Variants in CNTNAP2 observed in about 807,000 individuals in gnomAD.
CNTNAP2 encodes contactin associated protein 2, also known as contactin-associated protein-like 2.
CNTNAP2 carries 98 observed loss-of-function variants against 155.2 expected under a neutral mutation model. The ratio of observed to expected loss-of-function variants is 0.63; its 90% CI spans 0.54 to 0.75. The LOEUF (loss-of-function observed/expected upper bound fraction) is 0.75, where lower values mean the gene tolerates loss of function less well. Among genes scored for constraint, CNTNAP2 ranks in the 30% least tolerant of loss-of-function variants. The pLI is 0.00. For missense variants in CNTNAP2, 1,727 were observed against 1,688.1 expected, an observed-to-expected ratio of 1.02 and a Z score of -0.40; for synonymous variants, 651 against 631.2, an observed-to-expected ratio of 1.03 and a Z score of -0.47.
chr7:146,680,427 G>A (rs1189920065), intron 1 of CNTNAP2, among the ~76,000 whole-genome samples: 2 of 152,122 alleles, frequency 1.3e-5, no homozygotes, highest in Non-Finnish European at 1.5e-5. Context: ...TGACTGGAGG[G>A]AGTGTTGTAT....
chr7:147,793,366 G>T (rs745921180), intron 13 of CNTNAP2, among the ~76,000 whole-genome samples: 30 of 152,150 alleles, frequency 2.0e-4, no homozygotes, highest in Middle Eastern at 3.4e-3. Context: ...TTTGTATATG[G>T]TGTGAGATAG....
At chr7:147,904,900 T>TACAC (rs58242194) in intron 14 of CNTNAP2, among the ~76,000 whole-genome samples, 25,610 of 149,064 alleles carry the variant, frequency 0.17, 2,339 homozygotes, top group Middle Eastern at 0.24. Context: ...AAGATGTATC[T>TACAC]ACACACACAC....
rs138328666 is a variant in CNTNAP2 at position 146,464,644 on chromosome 7, C to T, written c.98-309627C>T. Among the ~76,000 whole-genome samples the T allele has an allele frequency of 3.3e-5, 5 of 152,118 alleles. No individual in the cohort carries two copies. In the East Asian group the frequency reaches 9.7e-4, roughly 29 times the overall value. The stretch of plus-strand genomic sequence containing the variant: ...CCACAGCTAATATTTTCACTATTTG[C>T]GAACTTATCATCATTTTTAATACTG... On this transcript the variant is annotated intron_variant, in intron 1 of 23. Transcript: ENST00000361727.
At chr7:147,621,347 C>G (rs1281557154) in intron 12 of CNTNAP2, among the ~76,000 whole-genome samples, 1 of 150,432 alleles carries the variant, frequency 6.6e-6, no homozygotes, top group Non-Finnish European at 1.5e-5. Context: ...TATTATAACA[C>G]AGTAACTGAG....
At chr7:146,517,148 C>T (rs939223544) in intron 1 of CNTNAP2, among the ~76,000 whole-genome samples, 6 of 152,064 alleles carry the variant, frequency 3.9e-5, no homozygotes, top group African/African-American at 1.2e-4. Context: ...TCAGTGTATC[C>T]ACACTGTACA....
intron 12 of CNTNAP2, among the ~76,000 whole-genome samples, chr7:147,622,606 C>G (rs1423201363): frequency 6.6e-6 from 1 of 151,580 alleles, no homozygotes; most frequent in Non-Finnish European, 1.5e-5. Flanking sequence ...ACACAACATA[C>G]CAAAAAATCT....
At chr7:147,767,942 A>G (rs1797408903) in intron 13 of CNTNAP2, among the ~76,000 whole-genome samples, 1 of 152,148 alleles carries the variant, frequency 6.6e-6, no homozygotes, top group Non-Finnish European at 1.5e-5. Flanking sequence ...TGAACAGTCC[A>G]TAAACAGAAT....
intron 3 of CNTNAP2, among the ~76,000 whole-genome samples, chr7:146,907,711 G>A (rs1017194361): frequency 1.3e-5 from 2 of 149,884 alleles, no homozygotes; most frequent in African/African-American, 4.9e-5. Context: ...AAAATGTAAA[G>A]ACCATCGAGA....
chr7:146,705,978 G>C (rs1800958890), intron 1 of CNTNAP2, among the ~76,000 whole-genome samples: 1 of 152,186 alleles, frequency 6.6e-6, no homozygotes, highest in African/African-American at 2.4e-5. Context: ...AACCATAGCA[G>C]ACAGAGTTTC....
intron 1 of CNTNAP2, among the ~76,000 whole-genome samples, chr7:146,539,764 C>A (rs1014111732): frequency 1.3e-5 from 2 of 152,014 alleles, no homozygotes; most frequent in African/African-American, 4.8e-5. Context: ...CTAAAATTTC[C>A]TTTTATTATA....
At chr7:146,906,117 G>A (rs1373681368) in intron 3 of CNTNAP2, among the ~76,000 whole-genome samples, 5 of 152,240 alleles carry the variant, frequency 3.3e-5, no homozygotes, top group South Asian at 2.1e-4. Flanking sequence ...GGCGCACCAC[G>A]GGACTATATC....
chr7:146,639,485 G>T (rs1186725612), intron 1 of CNTNAP2, among the ~76,000 whole-genome samples: 1 of 125,520 alleles, frequency 8.0e-6, no homozygotes, highest in African/African-American at 3.6e-5. Flanking sequence ...TTATGGGGGA[G>T]GAAACCGTAC....
At chr7:148,340,291 A>G (rs1404422966) in intron 21 of CNTNAP2, among the ~76,000 whole-genome samples, 2 of 152,218 alleles carry the variant, frequency 1.3e-5, no homozygotes, top group Non-Finnish European at 1.5e-5. Flanking sequence ...CTCCTGCAAA[A>G]CAAATTAGCC....
chr7:148,039,667 T>C (rs561499915), intron 15 of CNTNAP2, among the ~76,000 whole-genome samples: 2 of 152,256 alleles, frequency 1.3e-5, no homozygotes, highest in East Asian at 3.9e-4. Context: ...TACTGAGAAG[T>C]GGGGACATGG....
chr7:146,659,608 A>G (rs982550938), intron 1 of CNTNAP2, among the ~76,000 whole-genome samples: 1 of 152,176 alleles, frequency 6.6e-6, no homozygotes, highest in Non-Finnish European at 1.5e-5. Context: ...TGATTCCCAA[A>G]CCACTCATCT....
intron 18 of CNTNAP2, among the ~76,000 whole-genome samples, chr7:148,195,594 T>C (rs1008194510): frequency 6.6e-6 from 1 of 152,196 alleles, no homozygotes; most frequent in East Asian, 1.9e-4. Context: ...CTTTGGGCAA[T>C]GAAATACCGC....
intron 17 of CNTNAP2, among the ~76,000 whole-genome samples, chr7:148,149,890 A>C (rs1805264157): frequency 6.6e-6 from 1 of 152,040 alleles, no homozygotes; most frequent in African/African-American, 2.4e-5. Flanking sequence ...ACCATTGATG[A>C]CCGCAGAAAC....
intron 3 of CNTNAP2, among the ~76,000 whole-genome samples, chr7:146,928,320 T>C (rs1796652588): frequency 6.6e-6 from 1 of 152,176 alleles, no homozygotes; most frequent in Admixed American, 6.5e-5. Flanking sequence ...TGCATAAAAT[T>C]GATTTGTGTA....
intron 12 of CNTNAP2, among the ~76,000 whole-genome samples, chr7:147,565,200 T>C (rs1800146323): frequency 6.6e-6 from 1 of 152,076 alleles, no homozygotes; most frequent in South Asian, 2.1e-4. Context: ...ATGAGCCATA[T>C]AAATCAATCC....
Sources: gnomAD v4.1 joint callset for allele counts (sites outside exome capture counted in the v4.1 genomes callset) on GRCh38, gnomAD v4.1.1 for gene constraint, MANE v1.5 for transcripts, NCBI Gene and HGNC (gene_info 2026-07-23, HGNC 2026-07-21) for gene names.